The following GRIN2A variants were observed in gnomAD, a reference collection of about 807,000 sequenced individuals.
The protein encoded by GRIN2A is glutamate ionotropic receptor NMDA type subunit 2A.
Under a neutral mutation model 113.4 loss-of-function variants are expected in GRIN2A, and 22 were observed. The ratio of observed to expected loss-of-function variants is 0.19; its 90% CI spans 0.14 to 0.28. The LOEUF (loss-of-function observed/expected upper bound fraction) is 0.28. Among genes scored for constraint, GRIN2A ranks in the 10% least tolerant of loss-of-function variants. The probability of loss-of-function intolerance (pLI) is 1.00; values close to 1 mark genes in which losing one functional copy is unlikely to be tolerated. For synonymous variants in GRIN2A, 827 were observed against 738.4 expected (o/e 1.12, Z -1.94); for missense variants, 1,502 against 1,887.0 (o/e 0.80, Z 3.78).
At chr16:10,116,507 C>T (rs2048730925) in intron 2 of GRIN2A, among the ~76,000 whole-genome samples, 1 of 152,080 alleles carries the variant, frequency 6.6e-6, no homozygotes, top group South Asian at 2.1e-4. Flanking sequence ...ACCATGGAAG[C>T]TTAAGCAAAA....
chr16:9,898,305 C>G (rs1175200407), intron 3 of GRIN2A, among the ~76,000 whole-genome samples: 1 of 152,096 alleles, frequency 6.6e-6, no homozygotes, highest in Non-Finnish European at 1.5e-5. Flanking sequence ...CCATGCTTCC[C>G]CTTGCCATTT....
chr16:10,003,984 G>A (rs837686), intron 2 of GRIN2A, among the ~76,000 whole-genome samples: 5,947 of 152,144 alleles, frequency 0.039, 407 homozygotes, highest in African/African-American at 0.14. Context: ...AGGGTAAGAA[G>A]GTTGTTTACT....
intron 4 of GRIN2A, among the ~76,000 whole-genome samples, chr16:9,880,613 A>C (rs1473612957): frequency 6.6e-6 from 1 of 152,156 alleles, no homozygotes; most frequent in Non-Finnish European, 1.5e-5. Context: ...AGAAAAGGCC[A>C]AGTGTCACTG....
intron 2 of GRIN2A, among the ~76,000 whole-genome samples, chr16:10,072,295 C>G (rs570114364): frequency 6.6e-6 from 1 of 152,268 alleles, no homozygotes; most frequent in East Asian, 1.9e-4. Flanking sequence ...TGAGAATAAA[C>G]AACAAGTTGA....
chr16:10,060,994 G>C (rs948215984), intron 2 of GRIN2A, among the ~76,000 whole-genome samples: 1 of 152,186 alleles, frequency 6.6e-6, no homozygotes, highest in African/African-American at 2.4e-5. Context: ...GTTTAATTCA[G>C]AAACAATGTT....
intron 7 of GRIN2A, among the ~76,000 whole-genome samples, chr16:9,839,190 T>C (rs1344894455): frequency 1.3e-5 from 2 of 152,208 alleles, no homozygotes; most frequent in African/African-American, 4.8e-5. Context: ...AATTTCATGA[T>C]ATTCAACAAG....
intron 9 of GRIN2A, among the ~76,000 whole-genome samples, chr16:9,825,957 G>C (rs2042380478): frequency 6.6e-6 from 1 of 151,498 alleles, no homozygotes. Flanking sequence ...CGATGATGAA[G>C]ATGATGGAAG....
chr16:9,943,890 G>C (rs1013072919), intron 2 of GRIN2A, among the ~76,000 whole-genome samples: 4 of 152,204 alleles, frequency 2.6e-5, no homozygotes, highest in African/African-American at 9.7e-5. Flanking sequence ...CTTTAAAGCT[G>C]ATTTATTAGT....
rs901809567 is a variant in GRIN2A at position 10,174,796 on chromosome 16, A to G, written c.414+5202T>C. ...GAAATGATGTAGTTAACTGGAGTAT[A>G]GAATTGAAGAAACCTTCCCAAACAC... On this transcript the variant is annotated intron_variant, in intron 2 of 12. Coordinates refer to ENST00000330684, the MANE Select transcript of GRIN2A (RefSeq NM_001134407.3). Among the ~76,000 whole-genome samples, 9 of 152,208 alleles carry G rather than the reference A, an allele frequency of 5.9e-5. No homozygotes were observed. In the East Asian group the frequency reaches 1.7e-3, roughly 29 times the overall value.
chr16:9,846,504 T>C (rs2042774909), intron 5 of GRIN2A, among the ~76,000 whole-genome samples: 1 of 152,230 alleles, frequency 6.6e-6, no homozygotes, highest in South Asian at 2.1e-4. Context: ...TGTGTGATAA[T>C]AGCTGAGACT....
At position 9,762,549 on chromosome 16, in the gene GRIN2A, C is replaced by T. The variant is rs868606469; in HGVS notation, c.*600G>A. 5.2e-5 allele frequency: 12 copies of T among 229,568 alleles called. No homozygotes were observed. The highest frequency in any genetic ancestry group is 7.8e-5 in the Non-Finnish European group (9 of 115,690). The allele number at this position is 229,568 out of a possible 1,614,324, so 14.2% of individuals were successfully genotyped here. A position where few individuals can be genotyped will look rare whatever the true frequency, so the allele number is the denominator to read the frequency against. Reference sequence around the variant, plus strand: ...ATCACGAACACACTGATTTGCTATTCTTTAGGGGAGCCTGGAGTTCTTGGG... The same window carrying T: ...ATCACGAACACACTGATTTGCTATTTTTTAGGGGAGCCTGGAGTTCTTGGG... On this transcript the variant is annotated 3_prime_UTR_variant, in exon 13 of 13. Transcript: ENST00000330684.
chr16:9,865,797 C>T (rs954261374), intron 4 of GRIN2A, among the ~76,000 whole-genome samples: 1 of 152,208 alleles, frequency 6.6e-6, no homozygotes, highest in Non-Finnish European at 1.5e-5. Flanking sequence ...CAAGCTGTTT[C>T]TGCACAGCCC....
intron 2 of GRIN2A, among the ~76,000 whole-genome samples, chr16:10,161,275 C>T (rs1357412576): frequency 6.6e-6 from 1 of 152,168 alleles, no homozygotes; most frequent in Non-Finnish European, 1.5e-5. Flanking sequence ...ATGTTGGCTT[C>T]CCCTTCTGCC....
chr16:10,091,432 C>A (rs994012648), intron 2 of GRIN2A, among the ~76,000 whole-genome samples: 1 of 150,100 alleles, frequency 6.7e-6, no homozygotes, highest in South Asian at 2.1e-4. Context: ...CCCATCTCTA[C>A]CAAATACGTA....
chr16:10,048,531 G>C (rs2047298997), intron 2 of GRIN2A, among the ~76,000 whole-genome samples: 1 of 152,136 alleles, frequency 6.6e-6, no homozygotes, highest in African/African-American at 2.4e-5. Flanking sequence ...AAACTGCTTG[G>C]ATTCCTCCAC....
chr16:9,792,466 C>T (rs1266784182), intron 11 of GRIN2A, among the ~76,000 whole-genome samples: 1 of 152,064 alleles, frequency 6.6e-6, no homozygotes, highest in African/African-American at 2.4e-5. Flanking sequence ...TCAAGCAAAC[C>T]TCCCACCTCA....
chr16:9,879,154 G>C (rs1278061776), intron 4 of GRIN2A, among the ~76,000 whole-genome samples: 1 of 152,000 alleles, frequency 6.6e-6, no homozygotes, highest in Non-Finnish European at 1.5e-5. Flanking sequence ...CACATCATTT[G>C]AGAAACTTAA....
chr16:9,965,264 G>C (rs2045530856), intron 2 of GRIN2A, among the ~76,000 whole-genome samples: 1 of 152,302 alleles, frequency 6.6e-6, no homozygotes. Flanking sequence ...CTAACCCTCT[G>C]TGCCGTATCA....
chr16:10,053,321 T>C (rs2047391180), intron 2 of GRIN2A, among the ~76,000 whole-genome samples: 1 of 152,202 alleles, frequency 6.6e-6, no homozygotes. Context: ...AAAAGGAAGA[T>C]AATATATTTT....
Sources: gnomAD v4.1 joint callset for allele counts (sites outside exome capture counted in the v4.1 genomes callset) on GRCh38, gnomAD v4.1.1 for gene constraint, MANE v1.5 for transcripts, NCBI Gene and HGNC (gene_info 2026-07-23, HGNC 2026-07-21) for gene names.